CAPZB: variants seen among roughly 807,000 people sequenced by gnomAD.
The protein encoded by CAPZB is capping actin protein of muscle Z-line subunit beta, also known as F-actin-capping protein subunit beta.
CAPZB carries 2 observed loss-of-function variants against 38.1 expected under a neutral mutation model. That is an observed-to-expected ratio of 0.05 (90% CI 0.02 to 0.17). The LOEUF is 0.17. Ranked by LOEUF, CAPZB falls within the 10% of genes least tolerant of loss-of-function variation. The probability of loss-of-function intolerance (pLI) is 1.00; values close to 1 mark genes in which losing one functional copy is unlikely to be tolerated. For missense variants in CAPZB, 161 were observed against 334.2 expected, an observed-to-expected ratio of 0.48 and a Z score of 4.04; for synonymous variants, 107 against 127.4, an observed-to-expected ratio of 0.84 and a Z score of 1.08.
chr1:19,403,717 G>A (rs968674853), intron 2 of CAPZB, among the ~76,000 whole-genome samples: 1 of 152,234 alleles, frequency 6.6e-6, no homozygotes, highest in African/African-American at 2.4e-5. Flanking sequence ...AGGAGCAGTA[G>A]CAATAAACAT....
chr1:19,342,502 A>G (rs1464917844), intron 8 of CAPZB, among the ~76,000 whole-genome samples: 1 of 152,234 alleles, frequency 6.6e-6, no homozygotes, highest in African/African-American at 2.4e-5. Flanking sequence ...TTCAGAAGCA[A>G]AAGCCAAAAA....
At chr1:19,419,522 A>G (rs1016862251) in intron 2 of CAPZB, 139 bp downstream of exon 2, 10 of 605,482 alleles carry the variant, frequency 1.7e-5, no homozygotes, top group Non-Finnish European at 2.7e-5. Context: ...TGCCTGGAGG[A>G]ATCTCATAGT....
chr1:19,442,084 G>GGATAGCTCCAAATCCA (rs2094479262), intron 1 of CAPZB, among the ~76,000 whole-genome samples: 1 of 150,424 alleles, frequency 6.6e-6, no homozygotes, highest in Non-Finnish European at 1.5e-5. Flanking sequence ...TCCAAATGCT[G>GGATAGCTCCAAATCCA]AAAGATGAAG....
chr1:19,454,157 C>T (rs1457537387), intron 1 of CAPZB, among the ~76,000 whole-genome samples: 1 of 152,194 alleles, frequency 6.6e-6, no homozygotes, highest in East Asian at 1.9e-4. Context: ...GGAATAACTG[C>T]AGTTCAAGGA....
chr1:19,476,327 G>C (rs928749111), intron 1 of CAPZB, among the ~76,000 whole-genome samples: 2 of 152,094 alleles, frequency 1.3e-5, no homozygotes, highest in African/African-American at 4.8e-5. Flanking sequence ...GAAGGGGGAG[G>C]ACTGCTTGAG....
intron 1 of CAPZB, among the ~76,000 whole-genome samples, chr1:19,432,034 T>C (rs1262949027): frequency 9.9e-6 from 1 of 100,616 alleles, no homozygotes; most frequent in Non-Finnish European, 1.9e-5. Context: ...CAGAATGAGA[T>C]CCTGTCTCAA....
intron 6 of CAPZB, among the ~76,000 whole-genome samples, chr1:19,354,643 G>A (rs776836415): frequency 1.2e-4 from 19 of 152,368 alleles, no homozygotes; most frequent in Middle Eastern, 6.8e-3. Flanking sequence ...CTTGGCAGGA[G>A]ACACTGCTCA....
chr1:19,402,207 A>C (rs1373017288), intron 2 of CAPZB, among the ~76,000 whole-genome samples: 1 of 152,228 alleles, frequency 6.6e-6, no homozygotes, highest in Non-Finnish European at 1.5e-5. Flanking sequence ...AATCAACAGG[A>C]ACTGAGAGAA....
At position 19,485,417 on chromosome 1, in the gene CAPZB, G is replaced by A; in HGVS notation, c.3+19C>T. ...CCGGAGGGGCCCCCGGGCCGGGGAG[G>A]GGGCCGTGCGGCCTTTACCATGGTG... On this transcript the variant is annotated intron_variant, in intron 1 of 8. Coordinates refer to ENST00000264202, the MANE Select transcript of CAPZB (RefSeq NM_004930.5). The A allele has an allele frequency of 8.1e-7, 1 of 1,229,040 alleles. No homozygotes were observed. Among genetic ancestry groups the A allele is most frequent in the Non-Finnish European group, 1.0e-6 (1 of 986,048 alleles). The allele number at this position is 1,229,040 out of a possible 1,614,324, so 76.1% of individuals were successfully genotyped here.
chr1:19,478,361 A>C (rs1211196563), intron 1 of CAPZB, among the ~76,000 whole-genome samples: 2 of 152,222 alleles, frequency 1.3e-5, no homozygotes, highest in Non-Finnish European at 2.9e-5. Context: ...CTGCACTTAC[A>C]ACGTGCCAGG....
intron 2 of CAPZB, among the ~76,000 whole-genome samples, chr1:19,409,043 A>G (rs897716412): frequency 1.3e-5 from 2 of 152,178 alleles, no homozygotes; most frequent in African/African-American, 2.4e-5. Flanking sequence ...AAGGGTGTAG[A>G]ATCCAGGCCA....
chr1:19,388,654 T>A (rs1191992147), intron 2 of CAPZB, among the ~76,000 whole-genome samples: 1 of 152,164 alleles, frequency 6.6e-6, no homozygotes, highest in African/African-American at 2.4e-5. Flanking sequence ...GCATTTTTTA[T>A]TAACATATGA....
intron 1 of CAPZB, among the ~76,000 whole-genome samples, chr1:19,434,997 G>GA (rs3048150): frequency 0.2 from 27,141 of 134,072 alleles, 2,892 homozygotes; most frequent in South Asian, 0.31. Flanking sequence ...TGTCTCAAAG[G>GA]AAAAAAAAAA....
intron 1 of CAPZB, among the ~76,000 whole-genome samples, chr1:19,473,735 G>A (rs1164336323): frequency 3.3e-5 from 5 of 152,076 alleles, no homozygotes; most frequent in African/African-American, 7.2e-5. Flanking sequence ...ATAGTGGCAC[G>A]TGCCTGTAAT....
At chr1:19,398,317 G>A (rs961089492) in intron 2 of CAPZB, among the ~76,000 whole-genome samples, 3 of 148,262 alleles carry the variant, frequency 2.0e-5, no homozygotes, top group Admixed American at 6.8e-5. Context: ...CTTGGGAGGC[G>A]AATGACCTTT....
chr1:19,415,849 A>G (rs1038562533), intron 2 of CAPZB, among the ~76,000 whole-genome samples: 8 of 152,244 alleles, frequency 5.3e-5, no homozygotes, highest in Admixed American at 2.0e-4. Flanking sequence ...AATGCATGTC[A>G]ATATAGTTTT....
chr1:19,456,996 A>T (rs1170006326), intron 1 of CAPZB, among the ~76,000 whole-genome samples: 1 of 152,204 alleles, frequency 6.6e-6, no homozygotes, highest in African/African-American at 2.4e-5. Flanking sequence ...TATTACTTAG[A>T]GATTAGCTCT....
intron 1 of CAPZB, among the ~76,000 whole-genome samples, chr1:19,484,962 G>A (rs1217367310): frequency 6.6e-6 from 1 of 152,184 alleles, no homozygotes; most frequent in Non-Finnish European, 1.5e-5. Flanking sequence ...CCATGGAGAA[G>A]GCAAAGGGGG....
chr1:19,340,254 T>C (rs1040909001), intron 8 of CAPZB, among the ~76,000 whole-genome samples: 1 of 152,186 alleles, frequency 6.6e-6, no homozygotes, highest in Non-Finnish European at 1.5e-5. Flanking sequence ...AGCAGGTGCT[T>C]TCAGGCCTCT....
Sources: gnomAD v4.1 joint callset for allele counts (sites outside exome capture counted in the v4.1 genomes callset) on GRCh38, gnomAD v4.1.1 for gene constraint, MANE v1.5 for transcripts, NCBI Gene and HGNC (gene_info 2026-07-23, HGNC 2026-07-21) for gene names.